Variants in AFG2A observed in about 807,000 individuals in gnomAD.
AFG2A encodes AAA ATPase AFG2A.
the AFG2A span, chr4:123,319,232 A>T: frequency 6.6e-6 from 1 of 152,210 alleles, no homozygotes; most frequent in African/African-American, 2.4e-5. Flanking sequence ...ATTTAGCCTA[A>T]TCAGAAGGTT....
At chr4:122,941,429 CTGTT>C in the AFG2A span, among the ~76,000 whole-genome samples, 6 of 152,270 alleles carry the variant, frequency 3.9e-5, no homozygotes, top group Admixed American at 2.0e-4. Context: ...ATTTGGCTCT[CTGTT>C]TGTCTGTTAT....
chr4:122,929,029 C>T, the AFG2A span: 5 of 1,610,148 alleles, frequency 3.1e-6, no homozygotes, highest in Admixed American at 8.5e-5. Flanking sequence ...TTTATTTCCT[C>T]TGTCTGGCAG....
chr4:123,143,710 G>A, the AFG2A span, among the ~76,000 whole-genome samples: 1 of 151,316 alleles, frequency 6.6e-6, no homozygotes, highest in African/African-American at 2.4e-5. Context: ...AGAATAGAAT[G>A]TAATGCTTTG....
the AFG2A span, among the ~76,000 whole-genome samples, chr4:123,049,959 T>A: frequency 6.6e-6 from 1 of 152,120 alleles, no homozygotes; most frequent in African/African-American, 2.4e-5. Flanking sequence ...GGCTTTAAAC[T>A]TCCCTCTTAG....
the AFG2A span, among the ~76,000 whole-genome samples, chr4:123,022,872 C>A: frequency 0.011 from 1,654 of 152,086 alleles, 7 homozygotes; most frequent in Non-Finnish European, 0.019. Flanking sequence ...ATGATGAGTT[C>A]ATGTCCTTTG....
At chr4:123,109,809 G>A in the AFG2A span, among the ~76,000 whole-genome samples, 166 of 152,160 alleles carry the variant, frequency 1.1e-3, no homozygotes, top group Admixed American at 2.7e-3. Flanking sequence ...GATTTTTGTC[G>A]TATTTACTGG....
the AFG2A span, among the ~76,000 whole-genome samples, chr4:123,179,925 G>A: frequency 7.2e-5 from 11 of 152,032 alleles, no homozygotes; most frequent in African/African-American, 1.2e-4. Context: ...AAAGAACTTA[G>A]TAGTATAACC....
At chr4:123,245,295 A>G in the AFG2A span, among the ~76,000 whole-genome samples, 2 of 152,318 alleles carry the variant, frequency 1.3e-5, no homozygotes, top group Admixed American at 1.3e-4. Context: ...CCATGGGTTT[A>G]TATATTTTTA....
chr4:122,933,648 A>T, the AFG2A span: 1 of 645,466 alleles, frequency 1.5e-6, no homozygotes, highest in Non-Finnish European at 2.6e-6. Context: ...CTTTTAAGAT[A>T]GGGATGTGCT....
At chr4:123,031,956 G>A in the AFG2A span, among the ~76,000 whole-genome samples, 1 of 152,066 alleles carries the variant, frequency 6.6e-6, no homozygotes, top group Non-Finnish European at 1.5e-5. Flanking sequence ...TTGTTATCTG[G>A]GACAGTTACG....
At chr4:123,238,265 G>A in the AFG2A span, among the ~76,000 whole-genome samples, 2 of 152,196 alleles carry the variant, frequency 1.3e-5, no homozygotes, top group East Asian at 3.9e-4. Flanking sequence ...CTGAACAAAA[G>A]GCAGCAGTAA....
At chr4:123,265,226 A>C in the AFG2A span, among the ~76,000 whole-genome samples, 1 of 152,118 alleles carries the variant, frequency 6.6e-6, no homozygotes, top group East Asian at 1.9e-4. Context: ...AACTTCCTTA[A>C]GAACAGCTAA....
At chr4:123,199,561 T>C in the AFG2A span, among the ~76,000 whole-genome samples, 3 of 141,000 alleles carry the variant, frequency 2.1e-5, no homozygotes, top group Non-Finnish European at 3.0e-5. Flanking sequence ...AACCTCTGTC[T>C]CCCGGGTTCA....
chr4:123,061,504 A>C, the AFG2A span, among the ~76,000 whole-genome samples: 5 of 152,058 alleles, frequency 3.3e-5, no homozygotes, highest in African/African-American at 4.8e-5. Context: ...GTGCAGGGCA[A>C]CTCCCCTTTA....
the AFG2A span, among the ~76,000 whole-genome samples, chr4:123,204,876 A>C: frequency 6.6e-5 from 10 of 152,338 alleles, no homozygotes; most frequent in South Asian, 1.4e-3. Context: ...TTTGAAGTCC[A>C]AGAATGTTGC....
chr4:123,024,075 G>T, the AFG2A span, among the ~76,000 whole-genome samples: 1 of 152,070 alleles, frequency 6.6e-6, no homozygotes, highest in African/African-American at 2.4e-5. Flanking sequence ...ACTTAGAAAA[G>T]CAATGAAGTG....
At chr4:123,222,957 G>T in the AFG2A span, among the ~76,000 whole-genome samples, 3 of 152,208 alleles carry the variant, frequency 2.0e-5, no homozygotes, top group Middle Eastern at 3.4e-3. Context: ...CATTTAAGTT[G>T]TTTCCACATC....
the AFG2A span, chr4:122,929,027 C>A: frequency 3.1e-6 from 5 of 1,608,034 alleles, no homozygotes; most frequent in Admixed American, 6.8e-5. Context: ...TTTTTATTTC[C>A]TCTGTCTGGC....
At chr4:123,299,585 G>T in the AFG2A span, among the ~76,000 whole-genome samples, 5 of 152,112 alleles carry the variant, frequency 3.3e-5, no homozygotes, top group African/African-American at 1.2e-4. Context: ...CTTGTGTCCA[G>T]TTGACTCACA....
Sources: gnomAD v4.1 joint callset for allele counts (sites outside exome capture counted in the v4.1 genomes callset) on GRCh38, gnomAD v4.1.1 for gene constraint, MANE v1.5 for transcripts, NCBI Gene and HGNC (gene_info 2026-07-23, HGNC 2026-07-21) for gene names.